The following EYS variants were observed in gnomAD, a reference collection of about 807,000 sequenced individuals.
EYS encodes protein eyes shut homolog.
In EYS, 250 loss-of-function variants were observed where a neutral mutation model predicts 282.1. The ratio of observed to expected loss-of-function variants is 0.89; its 90% CI spans 0.80 to 0.98. The LOEUF (loss-of-function observed/expected upper bound fraction) is 0.98, where lower values mean the gene tolerates loss of function less well. Ranked by LOEUF, EYS falls within the 50% of genes least tolerant of loss-of-function variation. The pLI, the probability that EYS is intolerant of heterozygous loss-of-function variation, is 0.00. For missense variants in EYS, 4,016 were observed against 3,709.0 expected (o/e 1.08, Z -2.15); for synonymous variants, 1,355 against 1,282.9 (o/e 1.06, Z -1.20).
At position 64,578,974 on chromosome 6, in the gene EYS, T is replaced by G. The variant is rs566675776; in HGVS notation, c.5644+11249A>C. Among the ~76,000 whole-genome samples the G allele has an allele frequency of 4.6e-5, 7 of 152,256 alleles. No individual in the cohort carries two copies. The East Asian group carries it at 1.4e-3, about 29-fold the overall frequency. Reference sequence around the variant, plus strand: ...CACATGCTTCAAGTATAAATAGATTTGGGAGGCAACAGAAATATCTTTTCA... The same window carrying G: ...CACATGCTTCAAGTATAAATAGATTGGGGAGGCAACAGAAATATCTTTTCA... On this transcript the variant is annotated intron_variant, in intron 26 of 42. Coordinates refer to ENST00000503581, the MANE Select transcript of EYS (RefSeq NM_001142800.2).
At chr6:64,260,830 A>T (rs550386933) in intron 30 of EYS, among the ~76,000 whole-genome samples, 64 of 152,032 alleles carry the variant, frequency 4.2e-4, no homozygotes, top group African/African-American at 1.5e-3. Context: ...TTTAATTTTT[A>T]AAAAATTTTA....
At chr6:64,925,434 C>CT (rs35555467) in intron 15 of EYS, among the ~76,000 whole-genome samples, 62,039 of 151,858 alleles carry the variant, frequency 0.41, 13,038 homozygotes, top group East Asian at 0.53. Context: ...CATGTGGTGG[C>CT]TTCTCAAATG....
At chr6:64,691,662 C>T (rs1402675718) in intron 22 of EYS, among the ~76,000 whole-genome samples, 1 of 152,110 alleles carries the variant, frequency 6.6e-6, no homozygotes, top group Non-Finnish European at 1.5e-5. Flanking sequence ...TTCCTCCATC[C>T]TCTAGTAACC....
At chr6:64,466,184 G>T (rs1022875518) in intron 26 of EYS, among the ~76,000 whole-genome samples, 1 of 152,032 alleles carries the variant, frequency 6.6e-6, no homozygotes, top group African/African-American at 2.4e-5. Context: ...TATGGAAAAT[G>T]GTATTAGGTT....
At chr6:65,504,110 A>G (rs1313718797) in intron 2 of EYS, among the ~76,000 whole-genome samples, 3 of 151,596 alleles carry the variant, frequency 2.0e-5, no homozygotes, top group Admixed American at 2.0e-4. Context: ...TTTATTTATA[A>G]TATTCATTTA....
chr6:65,182,981 G>A (rs1252177318), intron 12 of EYS, among the ~76,000 whole-genome samples: 1 of 151,760 alleles, frequency 6.6e-6, no homozygotes, highest in Non-Finnish European at 1.5e-5. Flanking sequence ...TGTAGAGACA[G>A]GATTTCCTCA....
intron 35 of EYS, among the ~76,000 whole-genome samples, chr6:63,947,810 TC>T (rs1765443497): frequency 6.6e-6 from 1 of 152,230 alleles, no homozygotes; most frequent in African/African-American, 2.4e-5. Context: ...CTCTTCTGTT[TC>T]ATGATTGATT....
At chr6:64,047,045 T>A (rs1021046981) in intron 33 of EYS, among the ~76,000 whole-genome samples, 1 of 151,984 alleles carries the variant, frequency 6.6e-6, no homozygotes, top group African/African-American at 2.4e-5. Flanking sequence ...ACCAAGGATA[T>A]TTCACCTAAT....
At chr6:64,002,318 T>C (rs148146537) in intron 33 of EYS, among the ~76,000 whole-genome samples, 169 of 152,282 alleles carry the variant, frequency 1.1e-3, no homozygotes, top group Middle Eastern at 3.4e-3. Flanking sequence ...CACTCTTCCT[T>C]TGAGCCTGTG....
At chr6:65,289,613 T>C (rs1464832488) in intron 12 of EYS, among the ~76,000 whole-genome samples, 1 of 151,076 alleles carries the variant, frequency 6.6e-6, no homozygotes, top group African/African-American at 2.4e-5. Flanking sequence ...CTTCCAAATA[T>C]CCAAGCACTA....
intron 12 of EYS, among the ~76,000 whole-genome samples, chr6:65,093,931 T>C (rs531252057): frequency 1.4e-3 from 214 of 151,632 alleles, no homozygotes; most frequent in Non-Finnish European, 2.2e-3. Context: ...AGTCAAGAGA[T>C]GGAGAAAGAT....
At chr6:63,844,899 A>G (rs1293807380) in intron 36 of EYS, among the ~76,000 whole-genome samples, 1 of 152,008 alleles carries the variant, frequency 6.6e-6, no homozygotes, top group Non-Finnish European at 1.5e-5. Context: ...TTTTGTTGCA[A>G]TTGCTTTTGA....
At chr6:64,360,070 T>C (rs989635819) in intron 29 of EYS, among the ~76,000 whole-genome samples, 8 of 151,696 alleles carry the variant, frequency 5.3e-5, no homozygotes, top group Non-Finnish European at 8.9e-5. Context: ...AAGATCTTTA[T>C]CACTTTAAAA....
At chr6:64,447,233 A>AAT (rs1775146033) in intron 26 of EYS, among the ~76,000 whole-genome samples, 1 of 152,046 alleles carries the variant, frequency 6.6e-6, no homozygotes, top group Non-Finnish European at 1.5e-5. Flanking sequence ...GAAGAGCTTG[A>AAT]ATTTTATCAT....
At chr6:64,714,276 C>A (rs1771301500) in intron 22 of EYS, among the ~76,000 whole-genome samples, 1 of 151,912 alleles carries the variant, frequency 6.6e-6, no homozygotes, top group African/African-American at 2.4e-5. Flanking sequence ...TATTAATAAC[C>A]ATGAGAAAAA....
At position 64,511,093 on chromosome 6, in the gene EYS, C is replaced by G. The variant is rs556830605; in HGVS notation, c.5645-71741G>C. Among the ~76,000 whole-genome samples, 775 of 145,572 alleles carry G rather than the reference C, an allele frequency of 5.3e-3. 2 individuals carry two copies. Among genetic ancestry groups the G allele is most frequent in the Non-Finnish European group, 8.6e-3 (560 of 65,326 alleles). ...GATCTGAACTATATTATATAGTAGG[C>G]AAAGATTTCTTTATAAATAAAAAAA... On this transcript the variant is annotated intron_variant, in intron 26 of 42. Coordinates refer to ENST00000503581, the MANE Select transcript of EYS (RefSeq NM_001142800.2).
chr6:65,059,146 C>A (rs936812610), intron 12 of EYS, among the ~76,000 whole-genome samples: 1 of 151,474 alleles, frequency 6.6e-6, no homozygotes, highest in Non-Finnish European at 1.5e-5. Context: ...CTTTTTAAAC[C>A]TTAAATATAT....
chr6:64,915,723 T>A (rs1271322984), intron 15 of EYS, among the ~76,000 whole-genome samples: 1 of 152,194 alleles, frequency 6.6e-6, no homozygotes, highest in Admixed American at 6.5e-5. Flanking sequence ...ACATCACATT[T>A]TAAAATTGTC....
At chr6:64,606,668 G>A (rs1766947305) in intron 24 of EYS, among the ~76,000 whole-genome samples, 1 of 151,924 alleles carries the variant, frequency 6.6e-6, no homozygotes, top group Non-Finnish European at 1.5e-5. Context: ...AACATACTGT[G>A]GCAATACATA....
Sources: gnomAD v4.1 joint callset for allele counts (sites outside exome capture counted in the v4.1 genomes callset) on GRCh38, gnomAD v4.1.1 for gene constraint, MANE v1.5 for transcripts, NCBI Gene and HGNC (gene_info 2026-07-23, HGNC 2026-07-21) for gene names.